LTBP1: variants seen among roughly 807,000 people sequenced by gnomAD.
LTBP1 encodes latent transforming growth factor beta binding protein 1, also known as latent-transforming growth factor beta-binding protein 1.
Under a neutral mutation model 207.6 loss-of-function variants are expected in LTBP1, and 129 were observed. That is an observed-to-expected ratio of 0.62 (90% CI 0.54 to 0.72). LTBP1 has a LOEUF of 0.72. LTBP1 is among the 30% of genes least tolerant of loss of function. The probability of loss-of-function intolerance (pLI) is 0.00; values close to 1 mark genes in which losing one functional copy is unlikely to be tolerated. For synonymous variants in LTBP1, 963 were observed against 833.7 expected (o/e 1.16, Z -2.67); for missense variants, 2,281 against 2,217.2 (o/e 1.03, Z -0.58).
Position 33,040,134 on chromosome 2 carries a change from G to A in LTBP1, c.863+18928G>A, listed in dbSNP as rs956847886. 2.4e-4 allele frequency among the ~76,000 whole-genome samples: 36 copies of A among 152,180 alleles called. 1 individual carries two copies. The highest frequency in any genetic ancestry group is 2.1e-4 in the Non-Finnish European group (14 of 68,028). On this transcript the variant is annotated intron_variant, in intron 3 of 33. Coordinates refer to ENST00000404816, the MANE Select transcript of LTBP1 (RefSeq NM_206943.4). ...GAAAAATGAGCAAGAGTTACTTGAA[G>A]GGTAAGCAGTGGTTTGAGATCCTGG...
chr2:32,999,866 G>A (rs1334356689), intron 2 of LTBP1, among the ~76,000 whole-genome samples: 1 of 134,172 alleles, frequency 7.5e-6, no homozygotes, highest in Non-Finnish European at 1.6e-5. Flanking sequence ...GGTTGTGTGT[G>A]TGTGAGAGAT....
intron 3 of LTBP1, among the ~76,000 whole-genome samples, chr2:33,071,010 T>A (rs763158768): frequency 2.7e-4 from 41 of 152,214 alleles, no homozygotes; most frequent in Non-Finnish European, 5.4e-4. Context: ...GGACTTTTTA[T>A]TCTTTAATCA....
At position 33,309,495 on chromosome 2, in the gene LTBP1, A is replaced by G; in HGVS notation, c.3543A>G (p.Ala1181=). 1 of 1,610,804 alleles carries G rather than the reference A, an allele frequency of 6.2e-7. No homozygotes were observed. Among genetic ancestry groups the G allele is most frequent in the Non-Finnish European group, 8.5e-7 (1 of 1,178,368 alleles). The part of the protein sequence containing the change: ...VCQRGDCINT[A]GSYDCTCPDG... ...AGAGAGGAGACTGCATTAATACTGC[A>G]GGGTCCTATGATTGTACTTGTCCGG... Residue 1181 remains alanine (A), a synonymous_variant, in exon 23 of 34, where the codon GCA becomes GCG. Transcript: ENST00000404816.
chr2:33,039,351 C>A (rs556941364), intron 3 of LTBP1, among the ~76,000 whole-genome samples: 2 of 151,646 alleles, frequency 1.3e-5, no homozygotes, highest in African/African-American at 4.8e-5. Context: ...AGAAACCCCA[C>A]CTGTATATAT....
chr2:33,346,606 C>T (rs1179599485), intron 25 of LTBP1, among the ~76,000 whole-genome samples: 2 of 151,896 alleles, frequency 1.3e-5, no homozygotes, highest in Non-Finnish European at 2.9e-5. Flanking sequence ...ATCACTTGAA[C>T]CCGGGAGACA....
chr2:33,386,924 A>G (rs1434272322), intron 31 of LTBP1, among the ~76,000 whole-genome samples: 2 of 144,190 alleles, frequency 1.4e-5, no homozygotes, highest in Non-Finnish European at 3.0e-5. Flanking sequence ...TCTGCCTCCT[A>G]GGTTCAAGCG....
At position 33,110,758 on chromosome 2, in the gene LTBP1, A is replaced by T; in HGVS notation, c.1033+7A>T. On this transcript the variant is annotated splice_region_variant and intron_variant, in intron 4 of 33. Coordinates refer to ENST00000404816, the MANE Select transcript of LTBP1 (RefSeq NM_206943.4). ...GTTGCGGCACCTTTTCAGCGTGAGT[A>T]TAGTCTTATCAACCATTTTCCCAAG... 1 of 1,611,504 alleles carries T rather than the reference A, an allele frequency of 6.2e-7. No individual in the cohort carries two copies. The highest frequency in any genetic ancestry group is 1.1e-5 in the South Asian group (1 of 90,798).
intron 7 of LTBP1, among the ~76,000 whole-genome samples, chr2:33,202,151 A>T (rs887124329): frequency 2.6e-5 from 4 of 152,190 alleles, no homozygotes; most frequent in Non-Finnish European, 5.9e-5. Context: ...ACAGGAAAAT[A>T]TGAGCTCATT....
intron 5 of LTBP1, among the ~76,000 whole-genome samples, chr2:33,156,428 A>T (rs2083978940): frequency 6.6e-6 from 1 of 152,036 alleles, no homozygotes; most frequent in South Asian, 2.1e-4. Context: ...ATCGCATCTG[A>T]CTCAAGTTGT....
intron 9 of LTBP1, among the ~76,000 whole-genome samples, chr2:33,238,156 T>C (rs1243647309): frequency 3.3e-5 from 5 of 152,216 alleles, no homozygotes; most frequent in Admixed American, 6.5e-5. Context: ...ATACTGCTAA[T>C]GGAATTCTGT....
intron 2 of LTBP1, among the ~76,000 whole-genome samples, chr2:32,959,621 A>ATATTTTTTTT (rs1475834284): frequency 4.9e-4 from 18 of 36,666 alleles, no homozygotes; most frequent in Admixed American, 1.1e-3. Context: ...ATATATATAT[A>ATATTTTTTTT]TTTTTTTTTT....
chr2:33,360,980 G>T (rs1250399460), intron 27 of LTBP1, among the ~76,000 whole-genome samples: 1 of 152,204 alleles, frequency 6.6e-6, no homozygotes, highest in South Asian at 2.1e-4. Flanking sequence ...TACTTTGACA[G>T]TCAGGTTCTT....
chr2:33,091,751 T>C (rs915454519), intron 3 of LTBP1, among the ~76,000 whole-genome samples: 1 of 152,192 alleles, frequency 6.6e-6, no homozygotes, highest in Admixed American at 6.5e-5. Context: ...AGAGCATCTG[T>C]CCTATTTGTG....
chr2:32,997,793 A>G (rs886150826), intron 2 of LTBP1, among the ~76,000 whole-genome samples: 1 of 152,062 alleles, frequency 6.6e-6, no homozygotes, highest in South Asian at 2.1e-4. Context: ...GGAGAACACA[A>G]TTCTAGTTGT....
intron 9 of LTBP1, among the ~76,000 whole-genome samples, chr2:33,230,451 C>G (rs1406053262): frequency 1.3e-5 from 2 of 152,068 alleles, no homozygotes; most frequent in African/African-American, 4.8e-5. Flanking sequence ...TCCAAAACAG[C>G]CTTGCTACTC....
rs112386593 is a variant in LTBP1, at chr2:33,154,031, T to G, written c.1201+19071T>G. Reference sequence around the variant, plus strand: ...GTCAGGAGGCACTTCTCTGTGCCAGTTCTTTGCTTTTGCAACCCCAGGGTT... The same window carrying G: ...GTCAGGAGGCACTTCTCTGTGCCAGGTCTTTGCTTTTGCAACCCCAGGGTT... On this transcript the variant is annotated intron_variant, in intron 5 of 33. Transcript: ENST00000404816. 1.3e-3 allele frequency among the ~76,000 whole-genome samples: 198 copies of G among 152,326 alleles called. 1 individual carries two copies. The highest frequency in any genetic ancestry group is 4.7e-3 in the African/African-American group (196 of 41,582).
At chr2:33,118,142 G>T (rs2080867841) in intron 4 of LTBP1, among the ~76,000 whole-genome samples, 1 of 150,036 alleles carries the variant, frequency 6.7e-6, no homozygotes, top group Non-Finnish European at 1.5e-5. Flanking sequence ...GAACATGTTT[G>T]CAGCATTGAA....
intron 9 of LTBP1, among the ~76,000 whole-genome samples, chr2:33,227,836 C>T (rs189598941): frequency 0.016 from 1,998 of 125,018 alleles, 22 homozygotes; most frequent in East Asian, 0.026. Flanking sequence ...GACAGAGTCT[C>T]GCTCTGTCGC....
At chr2:33,303,629 C>T (rs1049575502) in intron 22 of LTBP1, among the ~76,000 whole-genome samples, 1 of 152,094 alleles carries the variant, frequency 6.6e-6, no homozygotes, top group Non-Finnish European at 1.5e-5. Context: ...GGATTACAGG[C>T]GTGAGCCACC....
Sources: gnomAD v4.1 joint callset for allele counts (sites outside exome capture counted in the v4.1 genomes callset) on GRCh38, gnomAD v4.1.1 for gene constraint, MANE v1.5 for transcripts, NCBI Gene and HGNC (gene_info 2026-07-23, HGNC 2026-07-21) for gene names.